MEIS1: variants seen among roughly 807,000 people sequenced by gnomAD.
MEIS1 encodes Meis homeobox 1, also known as homeobox protein Meis1.
In MEIS1, 5 loss-of-function variants were observed where a neutral mutation model predicts 50.8. The observed-to-expected ratio is 0.10, with a 90% CI of 0.05 to 0.21. The LOEUF (loss-of-function observed/expected upper bound fraction) is 0.21. Ranked by LOEUF, MEIS1 falls within the 10% of genes least tolerant of loss-of-function variation. MEIS1 has a pLI of 1.00. For missense variants in MEIS1, 318 were observed against 517.3 expected, an observed-to-expected ratio of 0.61 and a Z score of 3.74; for synonymous variants, 176 against 179.3, an observed-to-expected ratio of 0.98 and a Z score of 0.15.
intron 7 of MEIS1, among the ~76,000 whole-genome samples, chr2:66,499,783 T>G (rs1307458986): frequency 6.6e-6 from 1 of 151,752 alleles, no homozygotes; most frequent in South Asian, 2.1e-4. Context: ...ATGAACAGAA[T>G]TGTACCTTTT....
At chr2:66,517,604 A>G (rs1388984405) in intron 8 of MEIS1, among the ~76,000 whole-genome samples, 1 of 152,164 alleles carries the variant, frequency 6.6e-6, no homozygotes, top group African/African-American at 2.4e-5. Flanking sequence ...TCTGAGTTTT[A>G]AAAGATCTCT....
intron 8 of MEIS1, among the ~76,000 whole-genome samples, chr2:66,535,670 GAC>G (rs1368456627): frequency 6.6e-6 from 1 of 152,194 alleles, no homozygotes; most frequent in Non-Finnish European, 1.5e-5. Flanking sequence ...CCATTCTGGA[GAC>G]AGACAGTGAA....
chr2:66,494,432 A>C (rs1673348601), intron 7 of MEIS1, among the ~76,000 whole-genome samples: 1 of 152,218 alleles, frequency 6.6e-6, no homozygotes, highest in African/African-American at 2.4e-5. Flanking sequence ...TACTCTAAAG[A>C]AATTTATTAT....
chr2:66,490,061 T>A (rs1673235707), intron 7 of MEIS1, among the ~76,000 whole-genome samples: 1 of 152,210 alleles, frequency 6.6e-6, no homozygotes, highest in Non-Finnish European at 1.5e-5. Flanking sequence ...AGCAATCTGT[T>A]CAACTGGTTT....
intron 6 of MEIS1, among the ~76,000 whole-genome samples, chr2:66,444,548 A>G (rs1236184421): frequency 1.3e-5 from 2 of 152,216 alleles, no homozygotes; most frequent in African/African-American, 2.4e-5. Context: ...TGTGATCTGG[A>G]GAGTTGGAAA....
chr2:66,523,773 C>T (rs967256755), intron 8 of MEIS1, among the ~76,000 whole-genome samples: 4 of 152,194 alleles, frequency 2.6e-5, no homozygotes, highest in Admixed American at 6.5e-5. Flanking sequence ...TAACATGTCA[C>T]GTAGGTTGAC....
At position 66,437,885 on chromosome 2, in the gene MEIS1, C is replaced by A; in HGVS notation, c.161C>A (p.Ala54Asp). The A allele has an allele frequency of 6.2e-7, 1 of 1,611,552 alleles. No individual in the cohort carries two copies. Among genetic ancestry groups the A allele is most frequent in the African/African-American group, 1.3e-5 (1 of 75,004 alleles). The change falls in exon 2 of 13, where the codon GCT becomes GAT. Residue 54 changes from alanine (A) to aspartate (D), a missense_variant. By Grantham distance (126) the Ala-to-Asp change is moderately radical (BLOSUM62 -2). Around this residue, in one of 6 missense-constraint regions of MEIS1, gnomAD observed 100 missense variants for 107.1 expected, o/e 0.93. Coordinates refer to ENST00000272369, the MANE Select transcript of MEIS1 (RefSeq NM_002398.3). ...PLHSHQYPHT[A>D]HTNAMAPSMG... ...CACTCGCATCAGTACCCGCACACAG[C>A]TCATACCAACGCCATGGCCCCCAGC...
chr2:66,541,816 C>T (rs1674659464), intron 8 of MEIS1, among the ~76,000 whole-genome samples: 1 of 152,212 alleles, frequency 6.6e-6, no homozygotes, highest in Admixed American at 6.5e-5. Flanking sequence ...AACTACTATG[C>T]ATTCAGGCTA....
intron 7 of MEIS1, among the ~76,000 whole-genome samples, chr2:66,509,530 G>A (rs1355554441): frequency 6.6e-6 from 1 of 152,210 alleles, no homozygotes; most frequent in African/African-American, 2.4e-5. Context: ...TGATGTAATA[G>A]AAACCTTTTA....
intron 7 of MEIS1, among the ~76,000 whole-genome samples, chr2:66,492,691 T>C (rs1057309260): frequency 1.3e-5 from 2 of 152,204 alleles, no homozygotes; most frequent in African/African-American, 2.4e-5. Flanking sequence ...AAGTCCTTGG[T>C]TGTTTGTGCA....
At chr2:66,470,637 T>C (rs1437180263) in intron 7 of MEIS1, among the ~76,000 whole-genome samples, 1 of 152,226 alleles carries the variant, frequency 6.6e-6, no homozygotes, top group Non-Finnish European at 1.5e-5. Flanking sequence ...AGCATTTTCA[T>C]AGAAAGTGCC....
chr2:66,552,222 G>A (rs972083566), intron 9 of MEIS1, among the ~76,000 whole-genome samples: 2 of 152,096 alleles, frequency 1.3e-5, no homozygotes, highest in East Asian at 1.9e-4. Flanking sequence ...TACTTGTGTC[G>A]TACTTACTGG....
At chr2:66,528,314 A>G (rs1438186303) in intron 8 of MEIS1, among the ~76,000 whole-genome samples, 3 of 152,180 alleles carry the variant, frequency 2.0e-5, no homozygotes, top group African/African-American at 7.2e-5. Context: ...TGTCAAATAC[A>G]GAGGTGGCAT....
chr2:66,492,155 A>C (rs148251978), intron 7 of MEIS1, among the ~76,000 whole-genome samples: 1 of 150,762 alleles, frequency 6.6e-6, no homozygotes, highest in Non-Finnish European at 1.5e-5. Context: ...GGGTTCCTCT[A>C]TTACATGCAT....
chr2:66,540,783 A>G (rs914731056), intron 8 of MEIS1, among the ~76,000 whole-genome samples: 4 of 152,198 alleles, frequency 2.6e-5, no homozygotes, highest in Non-Finnish European at 5.9e-5. Context: ...TATGTCTTAA[A>G]CGTATATACT....
At chr2:66,460,160 T>C (rs944066530) in intron 6 of MEIS1, among the ~76,000 whole-genome samples, 3 of 152,188 alleles carry the variant, frequency 2.0e-5, no homozygotes, top group Non-Finnish European at 4.4e-5. Flanking sequence ...GGGATGTTGG[T>C]GGCATAGTGA....
chr2:66,479,950 A>G (rs888627654), intron 7 of MEIS1, among the ~76,000 whole-genome samples: 1 of 152,156 alleles, frequency 6.6e-6, no homozygotes, highest in African/African-American at 2.4e-5. Context: ...TTTGCTCTTA[A>G]AATGTTGTTT....
intron 7 of MEIS1, among the ~76,000 whole-genome samples, chr2:66,489,579 A>T (rs1239381657): frequency 6.6e-6 from 1 of 152,228 alleles, no homozygotes; most frequent in Non-Finnish European, 1.5e-5. Flanking sequence ...ATTGTGGAGA[A>T]TATCACCCTG....
intron 6 of MEIS1, among the ~76,000 whole-genome samples, chr2:66,444,026 T>G (rs1030224642): frequency 2.0e-5 from 3 of 152,186 alleles, no homozygotes; most frequent in Non-Finnish European, 2.9e-5. Context: ...TGGCTGTATC[T>G]CTGGATTGGT....
Sources: allele counts gnomAD v4.1 joint callset (sites outside exome capture counted in the v4.1 genomes callset), GRCh38; gene constraint gnomAD v4.1.1; regional missense constraint gnomAD v4.1.1; transcripts MANE v1.5; gene names NCBI Gene and HGNC (gene_info 2026-07-23, HGNC 2026-07-21).